PLG: variants seen among roughly 807,000 people sequenced by gnomAD.
PLG encodes plasminogen.
A neutral mutation model predicts 104.4 loss-of-function variants in PLG; 41 were observed. That is an observed-to-expected ratio of 0.39 (90% CI 0.31 to 0.51). The LOEUF (loss-of-function observed/expected upper bound fraction) is 0.51, where lower values mean the gene tolerates loss of function less well. Among genes scored for constraint, PLG ranks in the 20% least tolerant of loss-of-function variants. PLG has a pLI of 0.76. For synonymous variants in PLG, 337 were observed against 357.1 expected (o/e 0.94, Z 0.63); for missense variants, 891 against 1,003.6 (o/e 0.89, Z 1.52).
chr6:160,707,855 A>T (rs783143), intron 3 of PLG, 49 bp downstream of exon 3: 1 of 1,229,710 alleles, frequency 8.1e-7, no homozygotes. Flanking sequence ...CCATCCTCCC[A>T]CTCTTCCTCT....
chr6:160,714,644 AATTTTATTGCC>A lies in PLG; in HGVS notation c.548-148_548-138del. 5.4e-5 allele frequency: 22 copies of A among 407,426 alleles called. 5 individuals carry two copies. Among genetic ancestry groups the A allele is most frequent in the Admixed American group, 1.1e-4 (3 of 26,634 alleles). The allele number at this position is 407,426 out of a possible 1,614,324, so 25.2% of individuals were successfully genotyped here. A position where few individuals can be genotyped will look rare whatever the true frequency, so the allele number is the denominator to read the frequency against. ...TAGAAAATCCTGAGTCCTTATTGCC[AATTTTATTGCC>A]AAGTGCCTGTTGTGAATTACATCGG... On this transcript the variant is annotated intron_variant, in intron 5 of 18. Transcript: ENST00000308192.
rs1778124948 is a variant in PLG at position 160,738,409 on chromosome 6, C to T, written c.1803-129C>T. ...AAATTACTACCATCCTGATGCTGGG[C>T]TTGCAGTCCTTTCCTTTGGGAATAT... is the stretch of plus-strand genomic sequence containing the variant. On this transcript the variant is annotated intron_variant, in intron 14 of 18. Transcript: ENST00000308192. The surrounding 1 kb of genome is among the most constrained non-coding windows in gnomAD (Gnocchi z 6.8). 1 of 732,386 alleles carries T rather than the reference C, an allele frequency of 1.4e-6. No homozygotes were observed. The allele number at this position is 732,386 out of a possible 1,614,324, so 45.4% of individuals were successfully genotyped here. A position where few individuals can be genotyped will look rare whatever the true frequency, so the allele number is the denominator to read the frequency against.
intron 7 of PLG, among the ~76,000 whole-genome samples, chr6:160,717,489 A>G (rs368781620): frequency 1.3e-4 from 19 of 151,300 alleles, no homozygotes; most frequent in East Asian, 1.2e-3. Flanking sequence ...TCTTTTTGTC[A>G]TCTTTTTTCC....
chr6:160,720,940 A>C (rs1376281125), intron 9 of PLG, among the ~76,000 whole-genome samples: 1 of 151,654 alleles, frequency 6.6e-6, no homozygotes, highest in Non-Finnish European at 1.5e-5. Flanking sequence ...GGTTTGGATA[A>C]GTTCTGGTAA....
intron 6 of PLG, 57 bp downstream of exon 6, chr6:160,714,971 G>T (rs1777706500): frequency 6.5e-7 from 1 of 1,548,934 alleles, no homozygotes; most frequent in South Asian, 1.1e-5. Flanking sequence ...AGCTCTATCA[G>T]ACATTTGCTG....
chr6:160,710,181 T>C (rs1167470244), intron 3 of PLG, among the ~76,000 whole-genome samples: 1 of 152,256 alleles, frequency 6.6e-6, no homozygotes, highest in African/African-American at 2.4e-5. Flanking sequence ...TATGAGTGGA[T>C]TGCCCTCTGT....
At position 160,739,268 on chromosome 6, in the gene PLG, G is replaced by C; in HGVS notation, c.2018+60G>C. The C allele has an allele frequency of 6.2e-7, 1 of 1,610,756 alleles. No homozygotes were observed. On this transcript the variant is annotated intron_variant, in intron 16 of 18. Coordinates refer to ENST00000308192, the MANE Select transcript of PLG (RefSeq NM_000301.5). The surrounding 1 kb of genome is among the most constrained non-coding windows in gnomAD (Gnocchi z 4.4). ...GTGAAGATATTTGCTTTATGTCTGG[G>C]TTTTATGGGCCATGGCCACTGCATG...
intron 17 of PLG, among the ~76,000 whole-genome samples, chr6:160,743,571 G>T (rs1338370428): frequency 6.6e-6 from 1 of 152,142 alleles, no homozygotes; most frequent in Non-Finnish European, 1.5e-5. Flanking sequence ...TGAGACTATG[G>T]GGTTTTCTAG....
In PLG at chr6:160,740,698, T is replaced by C. The variant is rs1778177262; in HGVS notation, c.2019-613T>C. ...TCAGGTCTAAAAACCGGAGTTCTAATGTTTGAGAGTCCCTGGGACTCTAAA... is the reference window on the plus strand; with the variant it reads ...TCAGGTCTAAAAACCGGAGTTCTAACGTTTGAGAGTCCCTGGGACTCTAAA... On this transcript the variant is annotated intron_variant, in intron 16 of 18. Coordinates refer to ENST00000308192, the MANE Select transcript of PLG (RefSeq NM_000301.5). This position sits in a 1 kb window ranked among gnomAD's most constrained non-coding sequence, Gnocchi z 5.2. Among the ~76,000 whole-genome samples, 1 of 152,264 alleles carries C rather than the reference T, an allele frequency of 6.6e-6. No individual in the cohort carries two copies. The highest frequency in any genetic ancestry group is 6.5e-5 in the Admixed American group (1 of 15,288).
intron 10 of PLG, among the ~76,000 whole-genome samples, chr6:160,728,234 C>T (rs182122535): frequency 2.2e-4 from 33 of 152,218 alleles, no homozygotes; most frequent in African/African-American, 7.7e-4. Context: ...TTTAGTGATA[C>T]ATTTAACACA....
Position 160,711,101 on chromosome 6 carries a change from G to C in PLG, c.317G>C (p.Gly106Ala), listed in dbSNP as rs778599053. Reference sequence around the variant, plus strand: ...GTGTATCTCTCAGAGTGCAAGACTGGGAATGGAAAGAACTACAGAGGGACG... The same window carrying C: ...GTGTATCTCTCAGAGTGCAAGACTGCGAATGGAAAGAACTACAGAGGGACG... ...KKVYLSECKT[G>A]NGKNYRGTMS... Residue 106 changes from glycine to alanine, a missense_variant, in exon 4 of 19, where the codon GGG (glycine) becomes GCG (alanine). Physicochemically the swap from Gly to Ala is moderately conservative, Grantham distance 60. Coordinates refer to ENST00000308192, the MANE Select transcript of PLG (RefSeq NM_000301.5). 4.0e-5 allele frequency: 65 copies of C among 1,612,308 alleles called. 1 individual carries two copies. The Admixed American group carries it at 1.0e-3, about 26-fold the overall frequency.
chr6:160,720,125 A>T (rs955347182), intron 9 of PLG, among the ~76,000 whole-genome samples: 1 of 152,154 alleles, frequency 6.6e-6, no homozygotes, highest in Non-Finnish European at 1.5e-5. Context: ...ATTTTGCTGA[A>T]TGTAGATACT....
rs1225028808 is a variant in PLG, at chr6:160,725,754, C to G, written c.1256+3187C>G. On this transcript the variant is annotated intron_variant, in intron 10 of 18. Transcript: ENST00000308192. The surrounding 1 kb of genome is among the most constrained non-coding windows in gnomAD (Gnocchi z 6.3). ...AATTGTAAAGAGCTAGTCCAAAAACCAAGTGTGGAAAATGACATATCATGA... is the reference window on the plus strand; with the variant it reads ...AATTGTAAAGAGCTAGTCCAAAAACGAAGTGTGGAAAATGACATATCATGA... 6.6e-6 allele frequency among the ~76,000 whole-genome samples: 1 copy of G among 151,930 alleles called. No homozygotes were observed. The highest frequency in any genetic ancestry group is 1.5e-5 in the Non-Finnish European group (1 of 67,956).
chr6:160,707,518 T>C (rs1777551562), intron 2 of PLG, among the ~76,000 whole-genome samples, 182 bp from the exon 3 acceptor site: 1 of 152,168 alleles, frequency 6.6e-6, no homozygotes, highest in Non-Finnish European at 1.5e-5. Context: ...TGCTGCCACG[T>C]TGGTGTATTT....
chr6:160,749,292 A>G (rs1471264140), intron 17 of PLG, among the ~76,000 whole-genome samples: 3 of 151,890 alleles, frequency 2.0e-5, no homozygotes, highest in Admixed American at 6.6e-5. Context: ...TTGCAACCAC[A>G]ACTACCATCA....
intron 1 of PLG, chr6:160,705,621 T>C (rs1477858602): frequency 6.6e-6 from 1 of 152,168 alleles, no homozygotes; most frequent in Non-Finnish European, 1.5e-5. Context: ...CATAATTTAG[T>C]TCAGTTCTTG....
chr6:160,724,903 T>C lies in PLG; in HGVS notation c.1256+2336T>C, dbSNP rs1458577554. On this transcript the variant is annotated intron_variant, in intron 10 of 18. Coordinates refer to ENST00000308192, the MANE Select transcript of PLG (RefSeq NM_000301.5). The surrounding 1 kb of genome is among the most constrained non-coding windows in gnomAD (Gnocchi z 5.0). ...CAGATGGGAACTTTATACTAAGTAATGAAGAACCCTGGAAATGGCAAATGT... is the reference window on the plus strand; with the variant it reads ...CAGATGGGAACTTTATACTAAGTAACGAAGAACCCTGGAAATGGCAAATGT... Among the ~76,000 whole-genome samples the C allele has an allele frequency of 6.6e-6, 1 of 152,168 alleles. No homozygotes were observed. The highest frequency in any genetic ancestry group is 1.5e-5 in the Non-Finnish European group (1 of 68,024).
In PLG at chr6:160,735,048, G is replaced by C. The variant is rs1009834164; in HGVS notation, c.1681+960G>C. ...TTTGGGCTTCTCCTAGGGACACCAA[G>C]AGGGAGGAAGGAGGGGTTAGGATGG... On this transcript the variant is annotated intron_variant, in intron 13 of 18. Transcript: ENST00000308192. This position sits in a 1 kb window ranked among gnomAD's most constrained non-coding sequence, Gnocchi z 5.4. Among the ~76,000 whole-genome samples, 7 of 151,234 alleles carry C rather than the reference G, an allele frequency of 4.6e-5. No individual in the cohort carries two copies. The highest frequency in any genetic ancestry group is 4.6e-4 in the Admixed American group (7 of 15,204).
chr6:160,752,265 G>A lies in PLG; in HGVS notation c.2271+5G>A, dbSNP rs746165731. The A allele has an allele frequency of 1.3e-4, 204 of 1,613,562 alleles. No homozygotes were observed. The highest frequency in any genetic ancestry group is 2.0e-4 in the Admixed American group (12 of 60,000). Reference sequence around the variant, plus strand: ...GGAGGCACTGACAGTTGCCAGGTAAGCAAAGATCAAGAGACCAAAGTTAGT... The same window carrying A: ...GGAGGCACTGACAGTTGCCAGGTAAACAAAGATCAAGAGACCAAAGTTAGT... On this transcript the variant is annotated splice_donor_5th_base_variant and intron_variant, in intron 18 of 18. Coordinates refer to ENST00000308192, the MANE Select transcript of PLG (RefSeq NM_000301.5). This position sits in a 1 kb window ranked among gnomAD's most constrained non-coding sequence, Gnocchi z 4.7.
Sources: gnomAD v4.1 joint callset for allele counts (sites outside exome capture counted in the v4.1 genomes callset) on GRCh38, gnomAD v4.1.1 for gene constraint, Gnocchi (gnomAD v3.1) non-coding constraint, MANE v1.5 for transcripts, NCBI Gene and HGNC (gene_info 2026-07-23, HGNC 2026-07-21) for gene names.